The following GALNT11 variants were observed in gnomAD, a reference collection of about 807,000 sequenced individuals.
GALNT11 encodes the protein polypeptide N-acetylgalactosaminyltransferase 11.
In GALNT11, 47 loss-of-function variants were observed where a neutral mutation model predicts 72.7. The observed-to-expected ratio is 0.65, with a 90% CI of 0.51 to 0.82. The LOEUF (loss-of-function observed/expected upper bound fraction) is 0.82. GALNT11 is among the 40% of genes least tolerant of loss of function. GALNT11 has a pLI of 0.00. For missense variants in GALNT11, 677 were observed against 778.4 expected (o/e 0.87, Z 1.55); for synonymous variants, 270 against 286.6 (o/e 0.94, Z 0.58).
chr7:152,073,699 A>C (rs1430228736), intron 1 of GALNT11, among the ~76,000 whole-genome samples: 1 of 152,074 alleles, frequency 6.6e-6, no homozygotes, highest in Non-Finnish European at 1.5e-5. Flanking sequence ...CTATTTGTAG[A>C]TTTTGAGGAG....
At chr7:152,027,688 G>A in intron 1 of GALNT11, 1 of 154,024 alleles carries the variant, frequency 6.5e-6, no homozygotes, top group Admixed American at 6.5e-5. Context: ...TGGTCTCGCT[G>A]ACTTCAAGAA....
chr7:152,080,259 A>G (rs2129019061), intron 1 of GALNT11, among the ~76,000 whole-genome samples: 1 of 152,280 alleles, frequency 6.6e-6, no homozygotes, highest in Non-Finnish European at 1.5e-5. Context: ...TGGCTATGGA[A>G]ATCCCCTTTG....
chr7:152,043,337 G>A (rs1407691213), intron 1 of GALNT11, among the ~76,000 whole-genome samples: 1 of 152,222 alleles, frequency 6.6e-6, no homozygotes, highest in Non-Finnish European at 1.5e-5. Flanking sequence ...TCCCCAGGCA[G>A]AAGGCTCACA....
Position 152,100,919 on chromosome 7 carries a change from A to T in GALNT11, c.417A>T (p.Ala139=). Residue 139 remains alanine (A), a splice_region_variant and synonymous_variant, in exon 3 of 12, where the codon GCA becomes GCT. Transcript: ENST00000430044. ...YHRDVPDTRN[A]ACKEKFYPPD... The stretch of plus-strand genomic sequence containing the variant: ...GAGATGTGCCAGACACAAGGAATGC[A>T]GCGTATGTGCCTTATCGGATTTGCA... 1 of 1,613,804 alleles carries T rather than the reference A, an allele frequency of 6.2e-7. No homozygotes were observed.
In GALNT11 at chr7:152,060,040, G is replaced by GTTAT. The variant is rs879371533; in HGVS notation, c.-38-34150_-38-34149insTTAT. 2.5e-3 allele frequency among the ~76,000 whole-genome samples: 385 copies of GTTAT among 152,328 alleles called. 3 individuals are homozygous for GTTAT. Among genetic ancestry groups the GTTAT allele is most frequent in the Middle Eastern group, 0.014 (4 of 294 alleles). On this transcript the variant is annotated intron_variant, in intron 1 of 11. Coordinates refer to ENST00000430044, the MANE Select transcript of GALNT11 (RefSeq NM_022087.4). The stretch of plus-strand genomic sequence containing the variant: ...GTAGCCATCCTCATCAGTGATCTTA[G>GTTAT]CTAGATCTTTTGGATAACTTGCTGC...
At chr7:152,062,393 C>T (rs750608869) in intron 1 of GALNT11, among the ~76,000 whole-genome samples, 2 of 152,166 alleles carry the variant, frequency 1.3e-5, no homozygotes, top group Non-Finnish European at 1.5e-5. Flanking sequence ...TCTAAATATA[C>T]AATCATGTCA....
chr7:152,092,330 CCTTA>C (rs2086095543), intron 1 of GALNT11, among the ~76,000 whole-genome samples: 1 of 152,008 alleles, frequency 6.6e-6, no homozygotes, highest in East Asian at 1.9e-4. Context: ...TCATGGGCTT[CCTTA>C]CTTAGAGAAC....
intron 1 of GALNT11, among the ~76,000 whole-genome samples, chr7:152,055,795 A>T (rs1250205090): frequency 6.6e-6 from 1 of 150,828 alleles, no homozygotes; most frequent in Non-Finnish European, 1.5e-5. Context: ...ATGGGAACTA[A>T]AAATTCTTCT....
chr7:152,109,238 T>G (rs912852947), intron 6 of GALNT11, among the ~76,000 whole-genome samples: 1 of 152,262 alleles, frequency 6.6e-6, no homozygotes, highest in African/African-American at 2.4e-5. Context: ...GAAAATGTCC[T>G]TATGTTTCAC....
intron 1 of GALNT11, among the ~76,000 whole-genome samples, chr7:152,078,160 T>TA (rs2085094973): frequency 6.6e-6 from 1 of 151,920 alleles, no homozygotes; most frequent in Non-Finnish European, 1.5e-5. Flanking sequence ...AAGTCTGACA[T>TA]ACGTGATTTG....
chr7:152,085,015 G>T (rs1221350600), intron 1 of GALNT11, among the ~76,000 whole-genome samples: 1 of 152,074 alleles, frequency 6.6e-6, no homozygotes, highest in African/African-American at 2.4e-5. Context: ...CCTCTGTCTG[G>T]TAACAACTCC....
At chr7:152,107,729 T>A (rs2087735255) in intron 5 of GALNT11, 1 of 226,622 alleles carries the variant, frequency 4.4e-6, no homozygotes, top group Non-Finnish European at 8.8e-6. Flanking sequence ...AGAGTTGAGT[T>A]GTTACGGTGA....
intron 1 of GALNT11, among the ~76,000 whole-genome samples, chr7:152,033,769 T>A (rs2082421952): frequency 6.6e-6 from 1 of 152,194 alleles, no homozygotes; most frequent in East Asian, 1.9e-4. Flanking sequence ...AAGGTCCCAG[T>A]GGGGATCCAT....
chr7:152,119,629 C>T (rs1378804783), intron 10 of GALNT11: 1 of 152,192 alleles, frequency 6.6e-6, no homozygotes, highest in Non-Finnish European at 1.5e-5. Context: ...AATCCCAGCA[C>T]TTTGGGAGGA....
At chr7:152,113,434 T>C in intron 8 of GALNT11, 36 bp downstream of exon 8, 3 of 1,608,282 alleles carry the variant, frequency 1.9e-6, no homozygotes, top group South Asian at 1.1e-5. Context: ...GGATGAATGA[T>C]AGGCCGGCAG....
chr7:152,112,540 C>CAA (rs923534651), intron 7 of GALNT11, among the ~76,000 whole-genome samples: 4 of 86,510 alleles, frequency 4.6e-5, no homozygotes, highest in Non-Finnish European at 5.0e-5. Context: ...TGTGTCTCAA[C>CAA]AAAAAAAAAA....
At chr7:152,029,687 G>T (rs1438436616) in intron 1 of GALNT11, among the ~76,000 whole-genome samples, 1 of 152,206 alleles carries the variant, frequency 6.6e-6, no homozygotes, top group Non-Finnish European at 1.5e-5. Flanking sequence ...CAATTATTAG[G>T]CAGTTTTCCT....
intron 1 of GALNT11, among the ~76,000 whole-genome samples, chr7:152,076,774 C>T (rs1409417568): frequency 6.6e-6 from 1 of 152,164 alleles, no homozygotes; most frequent in African/African-American, 2.4e-5. Context: ...ACAGTAACTG[C>T]GATGTTTATT....
intron 1 of GALNT11, among the ~76,000 whole-genome samples, chr7:152,056,934 G>C (rs1450943723): frequency 1.3e-5 from 2 of 151,262 alleles, no homozygotes; most frequent in Non-Finnish European, 2.9e-5. Flanking sequence ...ACCTCCCCAG[G>C]CTCAAGTGAT....
Sources: allele counts gnomAD v4.1 joint callset (sites outside exome capture counted in the v4.1 genomes callset), GRCh38; gene constraint gnomAD v4.1.1; transcripts MANE v1.5; gene names NCBI Gene and HGNC (gene_info 2026-07-23, HGNC 2026-07-21).